CHSY3: variants seen among roughly 807,000 people sequenced by gnomAD.
The protein encoded by CHSY3 is N-acetylgalactosaminyl-proteoglycan 3-beta-glucuronosyltransferase 3.
A neutral mutation model predicts 67.2 loss-of-function variants in CHSY3; 35 were observed. The ratio of observed to expected loss-of-function variants is 0.52; its 90% CI spans 0.40 to 0.69. The LOEUF is 0.69. CHSY3 is among the 30% of genes least tolerant of loss of function. CHSY3 has a pLI of 0.00. For synonymous variants in CHSY3, 474 were observed against 434.7 expected (o/e 1.09, Z -1.12); for missense variants, 1,069 against 1,138.5 (o/e 0.94, Z 0.88).
intron 2 of CHSY3, among the ~76,000 whole-genome samples, chr5:130,125,539 G>C (rs962529690): frequency 2.0e-5 from 3 of 152,136 alleles, no homozygotes; most frequent in Non-Finnish European, 2.9e-5. Flanking sequence ...CAAGAGTAAG[G>C]GTTGGAAATG....
intron 2 of CHSY3, among the ~76,000 whole-genome samples, chr5:130,083,570 A>C (rs2149687853): frequency 6.6e-6 from 1 of 152,198 alleles, no homozygotes; most frequent in South Asian, 2.1e-4. Flanking sequence ...ACAGGTGGTA[A>C]CATCCAATTT....
chr5:129,914,583 A>G (rs1052557272), intron 2 of CHSY3, among the ~76,000 whole-genome samples: 3 of 152,204 alleles, frequency 2.0e-5, no homozygotes, highest in Admixed American at 2.0e-4. Context: ...TAACTTTACT[A>G]AAAGCAGTAA....
intron 2 of CHSY3, among the ~76,000 whole-genome samples, chr5:130,175,600 A>G (rs1027305262): frequency 1.3e-5 from 2 of 152,224 alleles, no homozygotes; most frequent in African/African-American, 2.4e-5. Context: ...ACCTGACTTC[A>G]AACTATACTA....
intron 2 of CHSY3, among the ~76,000 whole-genome samples, chr5:130,152,060 T>C (rs533400675): frequency 6.6e-6 from 1 of 152,298 alleles, no homozygotes; most frequent in East Asian, 1.9e-4. Context: ...CGGAGACACC[T>C]GCATCAGAAT....
At chr5:130,180,151 G>C (rs1488194296) in intron 2 of CHSY3, among the ~76,000 whole-genome samples, 1 of 151,886 alleles carries the variant, frequency 6.6e-6, no homozygotes, top group Admixed American at 6.6e-5. Context: ...GAACCCTTTG[G>C]GCACTGACAC....
chr5:130,081,137 A>G (rs1366508100), intron 2 of CHSY3, among the ~76,000 whole-genome samples: 3 of 152,172 alleles, frequency 2.0e-5, no homozygotes, highest in Non-Finnish European at 4.4e-5. Flanking sequence ...ATGTGTTGAC[A>G]GATTTCGGTC....
At chr5:129,950,654 A>G (rs1761998296) in intron 2 of CHSY3, among the ~76,000 whole-genome samples, 1 of 152,210 alleles carries the variant, frequency 6.6e-6, no homozygotes, top group Non-Finnish European at 1.5e-5. Context: ...AGAAATTAAG[A>G]AAATAATTCC....
intron 2 of CHSY3, among the ~76,000 whole-genome samples, chr5:130,067,700 C>T (rs1188016132): frequency 6.6e-6 from 1 of 151,998 alleles, no homozygotes; most frequent in Admixed American, 6.6e-5. Context: ...TAGGTTAGAA[C>T]AAGAAGGTGA....
At chr5:130,085,621 C>G (rs1766591356) in intron 2 of CHSY3, among the ~76,000 whole-genome samples, 1 of 152,016 alleles carries the variant, frequency 6.6e-6, no homozygotes, top group African/African-American at 2.4e-5. Flanking sequence ...CAGTTCTGCT[C>G]TGATTTTAGT....
intron 2 of CHSY3, among the ~76,000 whole-genome samples, chr5:129,917,489 T>C (rs1760767318): frequency 6.6e-6 from 1 of 152,208 alleles, no homozygotes; most frequent in Non-Finnish European, 1.5e-5. Flanking sequence ...AACTACTAGC[T>C]ATTTTTGCAG....
intron 2 of CHSY3, among the ~76,000 whole-genome samples, chr5:130,122,002 T>C (rs571863885): frequency 1.3e-5 from 2 of 152,228 alleles, no homozygotes; most frequent in South Asian, 2.1e-4. Flanking sequence ...GCTTACTTTG[T>C]GTAAAGGCCC....
chr5:130,140,828 TG>T (rs763589117), intron 2 of CHSY3: 6 of 244,888 alleles, frequency 2.5e-5, no homozygotes, highest in Non-Finnish European at 4.3e-5. Flanking sequence ...TTCTTGTGAA[TG>T]TGCTAAGCAT....
chr5:130,035,886 G>GTTTTTTTTT lies in CHSY3; in HGVS notation c.1086+127544_1086+127552dup, dbSNP rs1180462327. Among the ~76,000 whole-genome samples the GTTTTTTTTT allele has an allele frequency of 4.1e-4, 27 of 65,556 alleles. 4 individuals are homozygous for GTTTTTTTTT. The highest frequency in any genetic ancestry group is 1.4e-3 in the African/African-American group (24 of 16,664). The allele number at this position is 65,556 out of a possible 152,430, so 43.0% of individuals were successfully genotyped here. A position where few individuals can be genotyped will look rare whatever the true frequency, so the allele number is the denominator to read the frequency against. On this transcript the variant is annotated intron_variant, in intron 2 of 2. Transcript: ENST00000305031. ...CCCAAGTCTGGTCATTCATTTGGTTGTTTTTTTTTTTTTTTTTTTTTTTTT... is the reference window on the plus strand; with the variant it reads ...CCCAAGTCTGGTCATTCATTTGGTTGTTTTTTTTTTTTTTTTTTTTTTTTTTTTTTTTTT...
Position 130,146,651 on chromosome 5 carries a change from A to G in CHSY3, c.1087-37578A>G, listed in dbSNP as rs535146449. ...CCACAAAGAAATGATAAATGCGTTTATCATTAAGGTAATGGATACTAAATA... is the reference window on the plus strand; with the variant it reads ...CCACAAAGAAATGATAAATGCGTTTGTCATTAAGGTAATGGATACTAAATA... On this transcript the variant is annotated intron_variant, in intron 2 of 2. Coordinates refer to ENST00000305031, the MANE Select transcript of CHSY3 (RefSeq NM_175856.5). 2.6e-5 allele frequency among the ~76,000 whole-genome samples: 4 copies of G among 152,304 alleles called. No individual in the cohort carries two copies. In the South Asian group the frequency reaches 8.3e-4, roughly 32 times the overall value.
intron 2 of CHSY3, among the ~76,000 whole-genome samples, chr5:130,093,133 A>G (rs1034279961): frequency 1.3e-5 from 2 of 152,194 alleles, no homozygotes; most frequent in African/African-American, 4.8e-5. Context: ...GGTTAGTTTC[A>G]ATCTAAACAA....
intron 2 of CHSY3, among the ~76,000 whole-genome samples, chr5:130,037,271 G>A (rs2149663291): frequency 6.6e-6 from 1 of 152,168 alleles, no homozygotes; most frequent in South Asian, 2.1e-4. Flanking sequence ...ATGCAGCTGA[G>A]GCCCTTGATG....
chr5:130,101,704 A>G (rs920851215), intron 2 of CHSY3, among the ~76,000 whole-genome samples: 5 of 152,080 alleles, frequency 3.3e-5, no homozygotes, highest in Non-Finnish European at 5.9e-5. Flanking sequence ...CTCTTGTCTA[A>G]CTTATATTTC....
At chr5:130,119,467 T>A (rs146786319) in intron 2 of CHSY3, among the ~76,000 whole-genome samples, 1 of 152,280 alleles carries the variant, frequency 6.6e-6, no homozygotes, top group East Asian at 1.9e-4. Flanking sequence ...TTTAGTGTGC[T>A]AAACAGCTTT....
chr5:130,121,832 G>A (rs1768037416), intron 2 of CHSY3, among the ~76,000 whole-genome samples: 1 of 152,038 alleles, frequency 6.6e-6, no homozygotes, highest in Non-Finnish European at 1.5e-5. Context: ...AGGAAAGTGA[G>A]GCTGCTAAGG....
Sources: gnomAD v4.1 joint callset for allele counts (sites outside exome capture counted in the v4.1 genomes callset) on GRCh38, gnomAD v4.1.1 for gene constraint, MANE v1.5 for transcripts, NCBI Gene and HGNC (gene_info 2026-07-23, HGNC 2026-07-21) for gene names.